Variants in MTR observed in about 807,000 individuals in gnomAD.
MTR encodes 5-methyltetrahydrofolate-homocysteine methyltransferase.
A neutral mutation model predicts 154.8 loss-of-function variants in MTR; 84 were observed. The ratio of observed to expected loss-of-function variants is 0.54; its 90% CI spans 0.45 to 0.65. The LOEUF is 0.65. Ranked by LOEUF, MTR falls within the 30% of genes least tolerant of loss-of-function variation. The pLI is 0.00. For missense variants in MTR, 1,275 were observed against 1,570.2 expected (o/e 0.81, Z 3.18); for synonymous variants, 554 against 553.9 (o/e 1.00, Z 0.00).
intron 8 of MTR, among the ~76,000 whole-genome samples, chr1:236,822,534 T>C (rs1662027710): frequency 6.6e-6 from 1 of 152,128 alleles, no homozygotes; most frequent in African/African-American, 2.4e-5. Flanking sequence ...GGTCTCAAAC[T>C]CCTGGGCTCA....
Position 236,812,687 on chromosome 1 carries a change from A to G in MTR, c.503-51A>G, listed in dbSNP as rs765560057. ...CCTACACTCGAGATACCCTAGGGCCATTCAGAGGATATTGATGACTGATGT... is the reference window on the plus strand; with the variant it reads ...CCTACACTCGAGATACCCTAGGGCCGTTCAGAGGATATTGATGACTGATGT... On this transcript the variant is annotated intron_variant, in intron 5 of 32. Coordinates refer to ENST00000366577, the MANE Select transcript of MTR (RefSeq NM_000254.3). 3.4e-6 allele frequency: 5 copies of G among 1,451,212 alleles called. No homozygotes were observed. The East Asian group carries it at 9.1e-5, about 26-fold the overall frequency. 89.9% of individuals were successfully genotyped at this position (1,451,212 alleles called of 1,614,324 possible).
intron 10 of MTR, 147 bp downstream of exon 10, chr1:236,825,546 A>G (rs1572218808): frequency 3.6e-6 from 3 of 827,538 alleles, no homozygotes; most frequent in Non-Finnish European, 6.2e-6. Context: ...TTAAGGTACT[A>G]GAGGCACAGG....
In MTR at chr1:236,900,220, A is replaced by G. The variant is rs755203051; in HGVS notation, c.*2576A>G. 1 of 347,154 alleles carries G rather than the reference A, an allele frequency of 2.9e-6. No homozygotes were observed. Among genetic ancestry groups the G allele is most frequent in the African/African-American group, 2.1e-5 (1 of 47,176 alleles). 21.5% of individuals were successfully genotyped at this position (347,154 alleles called of 1,614,324 possible). A position where few individuals can be genotyped will look rare whatever the true frequency, so the allele number is the denominator to read the frequency against. ...TAGATATATATATTCATTCTACGGG[A>G]TATTATTCAGTAGTGGAAATGAGTG... On this transcript the variant is annotated 3_prime_UTR_variant, in exon 33 of 33. Coordinates refer to ENST00000366577, the MANE Select transcript of MTR (RefSeq NM_000254.3).
At chr1:236,796,592 G>A (rs1323334353) in intron 1 of MTR, among the ~76,000 whole-genome samples, 1 of 151,642 alleles carries the variant, frequency 6.6e-6, no homozygotes, top group Non-Finnish European at 1.5e-5. Flanking sequence ...TTTATCAGAG[G>A]TTAACCGGTG....
chr1:236,809,543 T>TCC (rs1661182067), intron 4 of MTR, among the ~76,000 whole-genome samples: 1 of 152,236 alleles, frequency 6.6e-6, no homozygotes, highest in African/African-American at 2.4e-5. Context: ...AGATAATGTT[T>TCC]AAATTCATGG....
chr1:236,864,921 G>A (rs1469112564), intron 22 of MTR, among the ~76,000 whole-genome samples: 1 of 152,160 alleles, frequency 6.6e-6, no homozygotes, highest in Admixed American at 6.5e-5. Context: ...AGCCTTAATG[G>A]GACAAGAACC....
intron 5 of MTR, 56 bp downstream of exon 5, chr1:236,810,651 G>A (rs1661245028): frequency 2.9e-6 from 4 of 1,398,166 alleles, no homozygotes; most frequent in Admixed American, 1.7e-5. Flanking sequence ...CCAAGCTTCA[G>A]TAAGCTATAA....
chr1:236,851,543 G>T (rs1054070570), intron 16 of MTR, among the ~76,000 whole-genome samples: 1 of 152,172 alleles, frequency 6.6e-6, no homozygotes, highest in African/African-American at 2.4e-5. Context: ...ACAAAACAAG[G>T]TTATGTATTG....
Position 236,874,715 on chromosome 1 carries a change from A to AC in MTR, c.2474-11_2474-10insC. Reference sequence around the variant, plus strand: ...TTTTTGTCCTTTTTTTTTTAAAAAAAAAAAAAATAGATATAATTGGCCTGT... The same window carrying AC: ...TTTTTGTCCTTTTTTTTTTAAAAAAACAAAAAAATAGATATAATTGGCCTGT... On this transcript the variant is annotated splice_polypyrimidine_tract_variant and intron_variant, in intron 23 of 32. Coordinates refer to ENST00000366577, the MANE Select transcript of MTR (RefSeq NM_000254.3). 6.4e-7 allele frequency: 1 copy of AC among 1,558,928 alleles called. No individual in the cohort carries two copies. Among genetic ancestry groups the AC allele is most frequent in the Admixed American group, 1.9e-5 (1 of 52,356 alleles).
chr1:236,873,319 G>A (rs1180828888), intron 22 of MTR, among the ~76,000 whole-genome samples: 2 of 152,214 alleles, frequency 1.3e-5, no homozygotes, highest in African/African-American at 2.4e-5. Flanking sequence ...ATTGCTAAAT[G>A]GTTACAGTGT....
At chr1:236,816,320 A>AT in intron 7 of MTR, 129 bp from the exon 8 acceptor site, 1 of 814,386 alleles carries the variant, frequency 1.2e-6, no homozygotes, top group South Asian at 1.4e-5. Context: ...CCCCCTTTGA[A>AT]TTTGAGTTCC....
chr1:236,873,748 C>G, intron 22 of MTR, 25 bp from the exon 23 acceptor site: 1 of 1,602,136 alleles, frequency 6.2e-7, no homozygotes, highest in Non-Finnish European at 8.6e-7. Flanking sequence ...CATTAATTTT[C>G]TCATGTCTCA....
intron 22 of MTR, among the ~76,000 whole-genome samples, chr1:236,872,023 T>C (rs1032200654): frequency 1.3e-5 from 2 of 152,216 alleles, no homozygotes; most frequent in African/African-American, 4.8e-5. Flanking sequence ...CGTTTTTGCC[T>C]ATTTAATTTT....
chr1:236,891,785 C>G (rs1373395231), intron 29 of MTR, among the ~76,000 whole-genome samples: 3 of 152,140 alleles, frequency 2.0e-5, no homozygotes, highest in Non-Finnish European at 4.4e-5. Flanking sequence ...GTGCCAGGTG[C>G]ATAGTAAGGT....
intron 15 of MTR, among the ~76,000 whole-genome samples, chr1:236,846,380 CATA>C (rs1479801302): frequency 1.3e-5 from 2 of 148,284 alleles, no homozygotes; most frequent in Non-Finnish European, 3.0e-5. Flanking sequence ...ATAATTATCA[CATA>C]ATAGCAGAAT....
chr1:236,871,303 T>G (rs1410154161), intron 22 of MTR, among the ~76,000 whole-genome samples: 1 of 146,058 alleles, frequency 6.8e-6, no homozygotes, highest in East Asian at 2.0e-4. Flanking sequence ...TCTGGCCTTT[T>G]CCTCCTCCTC....
intron 6 of MTR, 132 bp from the exon 7 acceptor site, chr1:236,815,472 C>T (rs879063661): frequency 3.4e-6 from 3 of 878,750 alleles, no homozygotes; most frequent in East Asian, 5.0e-5. Flanking sequence ...AAGGAAGACA[C>T]TTCTTCCCAG....
intron 22 of MTR, among the ~76,000 whole-genome samples, chr1:236,872,277 A>G (rs1665176663): frequency 2.0e-5 from 3 of 151,956 alleles, no homozygotes; most frequent in Non-Finnish European, 4.4e-5. Flanking sequence ...AGTGTGCTCC[A>G]GGCTTCCTCT....
chr1:236,803,713 G>T, intron 2 of MTR, 71 bp downstream of exon 2: 1 of 1,449,668 alleles, frequency 6.9e-7, no homozygotes, highest in Admixed American at 1.7e-5. Flanking sequence ...ATCAGGGCAG[G>T]CTGCTATGCC....
Sources: allele counts gnomAD v4.1 joint callset (sites outside exome capture counted in the v4.1 genomes callset), GRCh38; gene constraint gnomAD v4.1.1; transcripts MANE v1.5; gene names NCBI Gene and HGNC (gene_info 2026-07-23, HGNC 2026-07-21).